The following ANK1 variants were observed in gnomAD, a reference collection of about 807,000 sequenced individuals.
The protein encoded by ANK1 is ankyrin-1.
A neutral mutation model predicts 210.4 loss-of-function variants in ANK1; 51 were observed. That is an observed-to-expected ratio of 0.24 (90% CI 0.19 to 0.31). ANK1 has a LOEUF of 0.31. Among genes scored for constraint, ANK1 ranks in the 10% least tolerant of loss-of-function variants. The probability of loss-of-function intolerance (pLI) is 1.00; values close to 1 mark genes in which losing one functional copy is unlikely to be tolerated. For synonymous variants in ANK1, 967 were observed against 1,025.9 expected (o/e 0.94, Z 1.10); for missense variants, 2,051 against 2,504.4 (o/e 0.82, Z 3.86).
intron 1 of ANK1, among the ~76,000 whole-genome samples, chr8:41,848,424 A>T (rs186436073): frequency 6.6e-6 from 1 of 152,308 alleles, no homozygotes; most frequent in Non-Finnish European, 1.5e-5. Flanking sequence ...TGAAGCATTA[A>T]CAGTCACTCA....
At chr8:41,856,330 A>G (rs1223990472) in intron 1 of ANK1, among the ~76,000 whole-genome samples, 1 of 152,242 alleles carries the variant, frequency 6.6e-6, no homozygotes, top group African/African-American at 2.4e-5. Flanking sequence ...ACTGCACCTC[A>G]ACTAATGTTA....
chr8:41,715,351 T>C (rs1413840620), intron 14 of ANK1, among the ~76,000 whole-genome samples: 1 of 152,194 alleles, frequency 6.6e-6, no homozygotes, highest in Non-Finnish European at 1.5e-5. Context: ...TCTTAATCCT[T>C]TTCATATCCC....
intron 1 of ANK1, among the ~76,000 whole-genome samples, chr8:41,844,065 G>T (rs1219057931): frequency 6.6e-6 from 1 of 152,184 alleles, no homozygotes; most frequent in Non-Finnish European, 1.5e-5. Flanking sequence ...TAGGGATGGG[G>T]TCTTACTATG....
intron 2 of ANK1, among the ~76,000 whole-genome samples, chr8:41,757,647 C>T (rs750838510): frequency 5.3e-5 from 8 of 152,244 alleles, no homozygotes; most frequent in African/African-American, 1.2e-4. Context: ...TCAGGCTAGC[C>T]GAGAACCCAC....
intron 39 of ANK1, chr8:41,664,040 G>A (rs1470755922): frequency 1.8e-6 from 1 of 551,774 alleles, no homozygotes; most frequent in South Asian, 1.5e-5. Flanking sequence ...GTCTGACGGA[G>A]GAGGCCCTGA....
intron 1 of ANK1, among the ~76,000 whole-genome samples, chr8:41,817,320 A>C (rs1803504106): frequency 6.6e-6 from 1 of 152,168 alleles, no homozygotes; most frequent in South Asian, 2.1e-4. Context: ...TAAATGCAAG[A>C]CACTTTTGTT....
intron 22 of ANK1, 87 bp from the exon 23 acceptor site, chr8:41,699,635 C>CT: frequency 7.8e-7 from 1 of 1,285,168 alleles, no homozygotes; most frequent in Non-Finnish European, 1.1e-6. Context: ...CGCTCCGCCT[C>CT]TGGGGGCTTG....
rs755698055 is a variant in ANK1, at chr8:41,696,604, T to A, written c.2736-17A>T. 43 of 1,612,948 alleles carry A rather than the reference T, an allele frequency of 2.7e-5. No individual in the cohort carries two copies. The highest frequency in any genetic ancestry group is 3.5e-5 in the Non-Finnish European group (41 of 1,179,732). Reference sequence around the variant, plus strand: ...ACCAGAAACCTAGGAGTGGGGCAGATGCACGTTGGGCTTCTGCATCCCCTC... The same window carrying A: ...ACCAGAAACCTAGGAGTGGGGCAGAAGCACGTTGGGCTTCTGCATCCCCTC... On this transcript the variant is annotated splice_polypyrimidine_tract_variant and intron_variant, in intron 25 of 42. Coordinates refer to ENST00000289734, the MANE Select transcript of ANK1 (RefSeq NM_000037.4).
chr8:41,699,898 C>T (rs897561221), intron 22 of ANK1, among the ~76,000 whole-genome samples: 1 of 152,252 alleles, frequency 6.6e-6, no homozygotes, highest in African/African-American at 2.4e-5. Context: ...CCACTCCACA[C>T]CAACAGAAGA....
chr8:41,684,793 T>C (rs1365095411), intron 36 of ANK1, 103 bp from the exon 37 acceptor site: 1 of 1,476,418 alleles, frequency 6.8e-7, no homozygotes, highest in East Asian at 2.3e-5. Flanking sequence ...AGGAGATAAT[T>C]TTTTTCAGAA....
At chr8:41,836,509 C>T (rs143978160) in intron 1 of ANK1, among the ~76,000 whole-genome samples, 2 of 152,214 alleles carry the variant, frequency 1.3e-5, no homozygotes, top group Non-Finnish European at 2.9e-5. Context: ...GCCGGGCTCC[C>T]GGTCCCCCTC....
chr8:41,805,849 A>G (rs545060174), intron 1 of ANK1, among the ~76,000 whole-genome samples: 43 of 152,228 alleles, frequency 2.8e-4, no homozygotes, highest in Non-Finnish European at 5.3e-4. Context: ...AGGTTGTGTC[A>G]GTTGAGGTAT....
chr8:41,724,509 T>G lies in ANK1; in HGVS notation c.658A>C (p.Asn220His). 1 of 1,602,908 alleles carries G rather than the reference T, an allele frequency of 6.2e-7. No homozygotes were observed. ...CTGTTGAGGAGCAACTGGGCCACGT[T>G]GAGGTTCTCGTAGTGAGCCGCAATG... is the stretch of plus-strand genomic sequence containing the variant. ...LHIAAHYENLNVAQLLLNRGA... is the reference protein window; with the variant it reads ...LHIAAHYENLHVAQLLLNRGA... Residue 220 changes from asparagine (N) to histidine (H), a missense_variant, in exon 7 of 43, where the codon AAC becomes CAC. Coordinates refer to ENST00000289734, the MANE Select transcript of ANK1 (RefSeq NM_000037.4).
rs143268325 is a variant in ANK1, at chr8:41,858,006, T to A, written c.126+38349A>T. Reference sequence around the variant, plus strand: ...ACTTTGGGAGGCCATAGCAGGAGGATCACTTCAGCCCAGGAGTTTGAGGCC... The same window carrying A: ...ACTTTGGGAGGCCATAGCAGGAGGAACACTTCAGCCCAGGAGTTTGAGGCC... On this transcript the variant is annotated intron_variant, in intron 1 of 42. Coordinates refer to the ANK1 transcript ENST00000265709. Among the ~76,000 whole-genome samples the A allele has an allele frequency of 3.0e-3, 461 of 152,146 alleles. 1 individual carries two copies. The highest frequency in any genetic ancestry group is 5.6e-3 in the Non-Finnish European group (378 of 67,972).
At chr8:41,718,240 G>A (rs770199193) in intron 10 of ANK1, 36 bp from the exon 11 acceptor site, 2 of 1,604,300 alleles carry the variant, frequency 1.2e-6, no homozygotes, top group East Asian at 2.2e-5. Context: ...ACAAGCAGGA[G>A]CTTACACACG....
chr8:41,762,946 G>A (rs763906430), intron 1 of ANK1, among the ~76,000 whole-genome samples: 11 of 152,180 alleles, frequency 7.2e-5, no homozygotes, highest in Admixed American at 3.3e-4. Flanking sequence ...CTGGCAGGGC[G>A]TGGTGGTTCC....
intron 2 of ANK1, among the ~76,000 whole-genome samples, chr8:41,755,892 C>A (rs1471528094): frequency 6.6e-6 from 1 of 152,182 alleles, no homozygotes; most frequent in Non-Finnish European, 1.5e-5. Context: ...GGGCGGGGGG[C>A]CTGGTCCTTC....
At chr8:41,833,671 C>T (rs141327392) in intron 1 of ANK1, among the ~76,000 whole-genome samples, 36 of 152,260 alleles carry the variant, frequency 2.4e-4, no homozygotes, top group African/African-American at 7.9e-4. Flanking sequence ...GATGAAGGGC[C>T]CTATCCATTC....
intron 1 of ANK1, among the ~76,000 whole-genome samples, chr8:41,892,595 C>T (rs577125069): frequency 6.6e-6 from 1 of 152,306 alleles, no homozygotes; most frequent in African/African-American, 2.4e-5. Context: ...TGGTGGAATC[C>T]ACTGCACCAA....
Sources: gnomAD v4.1 joint callset for allele counts (sites outside exome capture counted in the v4.1 genomes callset) on GRCh38, gnomAD v4.1.1 for gene constraint, MANE v1.5 for transcripts, NCBI Gene and HGNC (gene_info 2026-07-23, HGNC 2026-07-21) for gene names.